The following ATP2B2 variants were observed in gnomAD, a reference collection of about 807,000 sequenced individuals.
ATP2B2 encodes plasma membrane calcium-transporting ATPase 2.
In ATP2B2, 15 loss-of-function variants were observed where a neutral mutation model predicts 120.0. The ratio of observed to expected loss-of-function variants is 0.12; its 90% CI spans 0.08 to 0.19. The LOEUF (loss-of-function observed/expected upper bound fraction) is 0.19. Among genes scored for constraint, ATP2B2 ranks in the 10% least tolerant of loss-of-function variants. ATP2B2 has a pLI of 1.00. For missense variants in ATP2B2, 1,045 were observed against 1,719.8 expected (o/e 0.61, Z 6.94); for synonymous variants, 694 against 700.3 (o/e 0.99, Z 0.14).
chr3:10,512,858 C>G (rs1270117238), intron 3 of ATP2B2, among the ~76,000 whole-genome samples: 2 of 152,216 alleles, frequency 1.3e-5, no homozygotes, highest in Non-Finnish European at 2.9e-5. Context: ...GGCCCTTGCT[C>G]AAATCCCTGC....
At chr3:10,559,072 G>C (rs1005679964) in intron 2 of ATP2B2, among the ~76,000 whole-genome samples, 1 of 152,214 alleles carries the variant, frequency 6.6e-6, no homozygotes, top group African/African-American at 2.4e-5. Context: ...AACACTCTCT[G>C]CTGATCCAGG....
intron 1 of ATP2B2, among the ~76,000 whole-genome samples, chr3:10,691,844 G>A (rs993637985): frequency 1.6e-3 from 250 of 152,250 alleles, no homozygotes; most frequent in Admixed American, 3.1e-3. Context: ...GCAGAAAGGG[G>A]TGATGGTTTC....
rs941674785 is a variant in ATP2B2, at chr3:10,432,661, C to T, written c.199+16684G>A. On this transcript the variant is annotated intron_variant, in intron 2 of 22. Coordinates refer to ENST00000360273, the MANE Select transcript of ATP2B2 (RefSeq NM_001001331.4). ...TCACGCCAGAAGCGAATCTCACTCA[C>T]GTGTCCTTGAGGCTGGCAAGGAGGT... Among the ~76,000 whole-genome samples, 6 of 152,392 alleles carry T rather than the reference C, an allele frequency of 3.9e-5. No homozygotes were observed. The East Asian group carries it at 5.8e-4, about 15-fold the overall frequency.
intron 1 of ATP2B2, among the ~76,000 whole-genome samples, chr3:10,495,980 C>G (rs535413103): frequency 6.6e-6 from 1 of 152,174 alleles, no homozygotes; most frequent in Non-Finnish European, 1.5e-5. Flanking sequence ...GCAAGGAGCC[C>G]GACAAACAGC....
In ATP2B2 at chr3:10,692,620, T is replaced by G. The variant is rs1039158371; in HGVS notation, c.-460+15295A>C. On this transcript the variant is annotated intron_variant, in intron 1 of 21. Transcript: ENST00000646379. ...ATCCTCTGATGGGAACAGTGAGGAG[T>G]GGCAGCACCTTGTGGGTTATGAACC... Among the ~76,000 whole-genome samples, 6 of 152,090 alleles carry G rather than the reference T, an allele frequency of 3.9e-5. 1 individual carries two copies. Among genetic ancestry groups the G allele is most frequent in the Non-Finnish European group, 7.4e-5 (5 of 68,020 alleles).
intron 3 of ATP2B2, among the ~76,000 whole-genome samples, chr3:10,515,528 G>C (rs193212941): frequency 4.9e-4 from 74 of 152,252 alleles, no homozygotes; most frequent in Middle Eastern, 3.4e-3. Context: ...GTGACTTGGT[G>C]GGAGCTCTCA....
chr3:10,426,047 G>A (rs2063136446), intron 2 of ATP2B2, among the ~76,000 whole-genome samples: 1 of 151,994 alleles, frequency 6.6e-6, no homozygotes, highest in Admixed American at 6.6e-5. Context: ...AGTGACACCA[G>A]CCTCTTTTCT....
intron 8 of ATP2B2, among the ~76,000 whole-genome samples, chr3:10,383,095 A>G (rs903089112): frequency 1.1e-4 from 16 of 149,294 alleles, no homozygotes; most frequent in Admixed American, 7.3e-4. Flanking sequence ...TTATTATTAT[A>G]CTTTAAGTTT....
intron 1 of ATP2B2, chr3:10,626,946 A>C (rs2069721496): frequency 6.6e-6 from 1 of 152,098 alleles, no homozygotes; most frequent in Non-Finnish European, 1.5e-5. Flanking sequence ...ACACTGAGGC[A>C]AACATAAATG....
intron 2 of ATP2B2, among the ~76,000 whole-genome samples, chr3:10,566,626 CTCTTT>C (rs1273261293): frequency 2.0e-5 from 3 of 152,142 alleles, no homozygotes; most frequent in African/African-American, 4.8e-5. Context: ...ATATTGTCGC[CTCTTT>C]TCTTTATAGT....
At chr3:10,670,750 T>C (rs1435990029) in intron 1 of ATP2B2, among the ~76,000 whole-genome samples, 2 of 152,192 alleles carry the variant, frequency 1.3e-5, no homozygotes, top group Non-Finnish European at 2.9e-5. Flanking sequence ...ATCTAAAGGA[T>C]GTTCGTGTGG....
chr3:10,424,486 T>C (rs985778726), intron 2 of ATP2B2, among the ~76,000 whole-genome samples: 2 of 152,196 alleles, frequency 1.3e-5, no homozygotes, highest in East Asian at 1.9e-4. Flanking sequence ...CTGAAGGAAA[T>C]TGGGAAAACT....
At chr3:10,606,606 C>A (rs576608583) in intron 2 of ATP2B2, among the ~76,000 whole-genome samples, 3 of 151,996 alleles carry the variant, frequency 2.0e-5, no homozygotes, top group African/African-American at 7.3e-5. Context: ...TGTGGGTGGA[C>A]GTGTGTGCAG....
chr3:10,660,619 C>A (rs1222405005), intron 1 of ATP2B2, among the ~76,000 whole-genome samples: 1 of 152,040 alleles, frequency 6.6e-6, no homozygotes, highest in African/African-American at 2.4e-5. Context: ...GCTTACCAAC[C>A]AAAAAAAGTC....
intron 2 of ATP2B2, among the ~76,000 whole-genome samples, chr3:10,447,680 G>A (rs1410585493): frequency 6.6e-6 from 1 of 152,178 alleles, no homozygotes; most frequent in Non-Finnish European, 1.5e-5. Context: ...TGGTGGAGGG[G>A]AGCACGGACC....
intron 2 of ATP2B2, among the ~76,000 whole-genome samples, chr3:10,540,364 A>C (rs1420540285): frequency 6.6e-6 from 1 of 152,224 alleles, no homozygotes; most frequent in Non-Finnish European, 1.5e-5. Context: ...TGATCCCATT[A>C]CTGGGTATAT....
intron 1 of ATP2B2, among the ~76,000 whole-genome samples, chr3:10,624,923 C>G (rs2069653169): frequency 6.6e-6 from 1 of 152,162 alleles, no homozygotes; most frequent in Non-Finnish European, 1.5e-5. Context: ...TGCAAAGATA[C>G]CCGACCCCCA....
intron 2 of ATP2B2, among the ~76,000 whole-genome samples, chr3:10,597,066 C>CAA (rs1215032206): frequency 7.5e-6 from 1 of 132,968 alleles, no homozygotes; most frequent in African/African-American, 2.8e-5. Flanking sequence ...CACAGGGCCA[C>CAA]ACACACACAC....
chr3:10,400,224 A>G (rs2062173130), intron 5 of ATP2B2, among the ~76,000 whole-genome samples: 1 of 152,146 alleles, frequency 6.6e-6, no homozygotes, highest in Non-Finnish European at 1.5e-5. Flanking sequence ...ACTGCTTAAA[A>G]CCGTTTCAGA....
Sources: gnomAD v4.1 joint callset for allele counts (sites outside exome capture counted in the v4.1 genomes callset) on GRCh38, gnomAD v4.1.1 for gene constraint, MANE v1.5 for transcripts, NCBI Gene and HGNC (gene_info 2026-07-23, HGNC 2026-07-21) for gene names.